Variants in SCFD1 observed in about 807,000 individuals in gnomAD.
SCFD1 encodes the protein sec1 family domain-containing protein 1.
SCFD1 carries 37 observed loss-of-function variants against 103.2 expected under a neutral mutation model. The observed-to-expected ratio is 0.36, with a 90% CI of 0.28 to 0.47. The LOEUF (loss-of-function observed/expected upper bound fraction) is 0.47, where lower values mean the gene tolerates loss of function less well. SCFD1 is among the 20% of genes least tolerant of loss of function. The pLI, the probability that SCFD1 is intolerant of heterozygous loss-of-function variation, is 1.00. For synonymous variants in SCFD1, 264 were observed against 245.0 expected (o/e 1.08, Z -0.73); for missense variants, 639 against 761.2 (o/e 0.84, Z 1.89).
At chr14:30,699,902 T>G (rs966548272) in intron 15 of SCFD1, among the ~76,000 whole-genome samples, 3 of 152,236 alleles carry the variant, frequency 2.0e-5, no homozygotes, top group African/African-American at 7.2e-5. Flanking sequence ...TTTCCTTTCA[T>G]TGTGAGTTTA....
chr14:30,734,063 T>C (rs1348544042), intron 23 of SCFD1, among the ~76,000 whole-genome samples: 1 of 152,192 alleles, frequency 6.6e-6, no homozygotes, highest in Non-Finnish European at 1.5e-5. Context: ...ATCTAGGACA[T>C]GTATTCAGCC....
chr14:30,644,534 T>C (rs1443671833), intron 7 of SCFD1, among the ~76,000 whole-genome samples: 1 of 152,238 alleles, frequency 6.6e-6, no homozygotes, highest in Non-Finnish European at 1.5e-5. Flanking sequence ...TTTTTAATAA[T>C]AGACATTCTG....
At chr14:30,666,038 T>C (rs1887933772) in intron 10 of SCFD1, among the ~76,000 whole-genome samples, 1 of 152,110 alleles carries the variant, frequency 6.6e-6, no homozygotes, top group African/African-American at 2.4e-5. Context: ...TATCCAGGAA[T>C]TGAACTGAGC....
chr14:30,659,739 C>G (rs564325632), intron 10 of SCFD1, among the ~76,000 whole-genome samples: 4 of 151,918 alleles, frequency 2.6e-5, no homozygotes, highest in Non-Finnish European at 5.9e-5. Context: ...GTCTAACCCT[C>G]TAACCTCAGT....
At chr14:30,694,375 T>G (rs1890538635) in intron 14 of SCFD1, among the ~76,000 whole-genome samples, 1 of 152,162 alleles carries the variant, frequency 6.6e-6, no homozygotes, top group Admixed American at 6.5e-5. Context: ...CACTTTAAAT[T>G]CTTTTAAGAA....
chr14:30,650,689 T>TA (rs1428756761), intron 9 of SCFD1, 39 bp downstream of exon 9: 2 of 1,200,958 alleles, frequency 1.7e-6, no homozygotes, highest in Admixed American at 4.2e-5. Flanking sequence ...GACTTTAAAA[T>TA]ATTTGTAGAG....
intron 4 of SCFD1, among the ~76,000 whole-genome samples, chr14:30,636,912 T>C (rs985812126): frequency 3.3e-5 from 5 of 152,110 alleles, no homozygotes; most frequent in African/African-American, 9.7e-5. Flanking sequence ...CCTTTTGAAA[T>C]GTATGCATCA....
chr14:30,693,246 A>G (rs1340441792), intron 14 of SCFD1, among the ~76,000 whole-genome samples: 2 of 152,188 alleles, frequency 1.3e-5, no homozygotes, highest in African/African-American at 4.8e-5. Context: ...AAGGAGGCGG[A>G]TATTAGAATA....
intron 21 of SCFD1, among the ~76,000 whole-genome samples, chr14:30,720,869 C>T (rs760377476): frequency 1.3e-5 from 2 of 152,052 alleles, no homozygotes; most frequent in Non-Finnish European, 2.9e-5. Flanking sequence ...CTATACTTGG[C>T]TTCTTGGAAA....
In SCFD1 at chr14:30,719,382, G is replaced by GC; in HGVS notation, c.1736+6dup. ...AATGCTGCGGGGCAATGACAGGTAA[G>GC]CAGCTTTTGTCTTGTTTAACTTGTG... is the stretch of plus-strand genomic sequence containing the variant. On this transcript the variant is annotated splice_donor_region_variant and intron_variant, in intron 21 of 24. Coordinates refer to ENST00000458591, the MANE Select transcript of SCFD1 (RefSeq NM_016106.4). 1 of 1,603,126 alleles carries GC rather than the reference G, an allele frequency of 6.2e-7. No homozygotes were observed. Among genetic ancestry groups the GC allele is most frequent in the Non-Finnish European group, 8.5e-7 (1 of 1,173,904 alleles).
chr14:30,722,500 GT>G lies in SCFD1; in HGVS notation c.1782del (p.Phe594LeufsTer18). On this transcript the variant is annotated frameshift_variant, in exon 23 of 25. Transcript: ENST00000458591. LOFTEE classifies it high-confidence loss of function. ...TAATCTGTTTGCATTTTAGGCCATTGTTTTTGTGGTGGGAGGAGGCAACTAC... is the reference window on the plus strand; with the variant it reads ...TAATCTGTTTGCATTTTAGGCCATTGTTTTGTGGTGGGAGGAGGCAACTAC... ...RNKNPFQEAI[V>X]FVVGGGNYIE... 2 of 1,586,902 alleles carry G rather than the reference GT, an allele frequency of 1.3e-6. No homozygotes were observed. Among genetic ancestry groups the G allele is most frequent in the South Asian group, 1.1e-5 (1 of 87,072 alleles).
At chr14:30,660,513 T>C (rs1010742734) in intron 10 of SCFD1, among the ~76,000 whole-genome samples, 1 of 152,216 alleles carries the variant, frequency 6.6e-6, no homozygotes, top group African/African-American at 2.4e-5. Flanking sequence ...CCTAAAGGTT[T>C]AAATGTCACT....
At chr14:30,666,342 T>C (rs1887966916) in intron 10 of SCFD1, among the ~76,000 whole-genome samples, 1 of 152,172 alleles carries the variant, frequency 6.6e-6, no homozygotes. Context: ...AAGATGTTCT[T>C]TGAAACCAAT....
At chr14:30,693,848 C>A (rs1230390244) in intron 14 of SCFD1, among the ~76,000 whole-genome samples, 1 of 151,722 alleles carries the variant, frequency 6.6e-6, no homozygotes, top group African/African-American at 2.4e-5. Flanking sequence ...TTATTAACAC[C>A]CTCAATAGTA....
chr14:30,724,149 A>C (rs1376585691), intron 23 of SCFD1, among the ~76,000 whole-genome samples: 1 of 147,196 alleles, frequency 6.8e-6, no homozygotes, highest in Non-Finnish European at 1.5e-5. Context: ...GCATTTCTCT[A>C]ATGATCAGTG....
chr14:30,670,218 A>G (rs764545551), intron 10 of SCFD1, 38 bp from the exon 11 acceptor site: 2 of 1,499,926 alleles, frequency 1.3e-6, no homozygotes, highest in Non-Finnish European at 1.8e-6. Flanking sequence ...TATTAGACTT[A>G]GAAAACAGTT....
intron 14 of SCFD1, among the ~76,000 whole-genome samples, chr14:30,692,703 G>T (rs1890401734): frequency 6.6e-6 from 1 of 152,160 alleles, no homozygotes; most frequent in African/African-American, 2.4e-5. Context: ...AACAGAAAAG[G>T]TTAGCTGGAT....
chr14:30,700,064 TC>T lies in SCFD1; in HGVS notation c.1340-123del, dbSNP rs982783592. 7.5e-6 allele frequency: 5 copies of T among 670,072 alleles called. No individual in the cohort carries two copies. In the Admixed American group the frequency reaches 1.3e-4, roughly 17 times the overall value. The allele number at this position is 670,072 out of a possible 1,614,324, so 41.5% of individuals were successfully genotyped here. On this transcript the variant is annotated intron_variant, in intron 15 of 24. Coordinates refer to ENST00000458591, the MANE Select transcript of SCFD1 (RefSeq NM_016106.4). ...TTATATGCCTGTTACCTTAGTTAAA[TC>T]AAGAGCCATGTTTTGTTTTGTCACA...
chr14:30,646,604 G>T (rs1885853017), intron 7 of SCFD1, among the ~76,000 whole-genome samples: 2 of 152,094 alleles, frequency 1.3e-5, no homozygotes, highest in South Asian at 4.1e-4. Flanking sequence ...TCTCTGCTAG[G>T]TTTTGGTATG....
Sources: allele counts gnomAD v4.1 joint callset (sites outside exome capture counted in the v4.1 genomes callset), GRCh38; gene constraint gnomAD v4.1.1; transcripts MANE v1.5; gene names NCBI Gene and HGNC (gene_info 2026-07-23, HGNC 2026-07-21).